HUWE1: variants seen among roughly 807,000 people sequenced by gnomAD.
The protein encoded by HUWE1 is HECT, UBA and WWE domain containing E3 ubiquitin protein ligase 1.
A neutral mutation model predicts 299.4 loss-of-function variants in HUWE1; 18 were observed. That is an observed-to-expected ratio of 0.06 (90% CI 0.04 to 0.09). The LOEUF (loss-of-function observed/expected upper bound fraction) is 0.09. Ranked by LOEUF, HUWE1 falls within the 10% of genes least tolerant of loss-of-function variation. The pLI is 1.00. For missense variants in HUWE1, 1,832 were observed against 3,462.3 expected, an observed-to-expected ratio of 0.53 and a Z score of 11.82; for synonymous variants, 1,317 against 1,286.1, an observed-to-expected ratio of 1.02 and a Z score of -0.51.
rs782629454 is a variant in HUWE1, at chrX:53,554,864, T to G, written c.8263A>C (p.Thr2755Pro). The G allele has an allele frequency of 5.8e-6, 7 of 1,200,193 alleles. No individual in the cohort carries two copies. The South Asian group carries it at 1.3e-4, about 22-fold the overall frequency. ...PTTPSSTDAA[T>P]SESKETLGTL... ...CCAAGGGTCTCCTTGGACTCAGATG[T>G]AGCTGCATCAGTTGAAGATGGGGTT... is the stretch of plus-strand genomic sequence containing the variant. Residue 2755 changes from threonine (T) to proline (P), a missense_variant, in exon 61 of 84, where the codon ACA becomes CCA. Coordinates refer to ENST00000262854, the MANE Select transcript of HUWE1 (RefSeq NM_031407.7).
chrX:53,672,462 T>TC (rs2149544380), intron 3 of HUWE1, among the ~76,000 whole-genome samples: 1 of 110,049 alleles, frequency 9.1e-6, no homozygotes, highest in South Asian at 3.9e-4. Context: ...TTTCACCATG[T>TC]TGGCCAGGCT....
intron 19 of HUWE1, among the ~76,000 whole-genome samples, chrX:53,624,061 C>A: frequency 8.9e-6 from 1 of 112,606 alleles, no homozygotes; most frequent in Non-Finnish European, 1.9e-5. Context: ...AAACTGAATT[C>A]TGACCTTTAT....
In HUWE1 at chrX:53,647,541, G is replaced by A. The variant is rs782306178; in HGVS notation, c.178C>T (p.Arg60Cys). ...ELYHWVDLLD[R>C]FDGILADAGQ... ...GCATCTGCCAGTATTCCATCGAAGCGGTCCAACAGGTCCACCCAGTGATAT... is the reference window on the plus strand; with the variant it reads ...GCATCTGCCAGTATTCCATCGAAGCAGTCCAACAGGTCCACCCAGTGATAT... The change falls in exon 6 of 84, where the codon CGC (arginine) becomes TGC (cysteine). Residue 60 changes from arginine (R) to cysteine (C), a missense_variant. Transcript: ENST00000262854. 23 of 1,202,824 alleles carry A rather than the reference G, an allele frequency of 1.9e-5. No individual in the cohort carries two copies. Among genetic ancestry groups the A allele is most frequent in the South Asian group, 3.5e-5 (2 of 56,676 alleles).
chrX:53,575,391 C>T (rs1228082815), intron 45 of HUWE1, among the ~76,000 whole-genome samples, 170 bp from the exon 46 acceptor site: 2 of 110,905 alleles, frequency 1.8e-5, no homozygotes, highest in Admixed American at 9.6e-5. Context: ...ATTATAAATA[C>T]AGTGACTGGG....
At chrX:53,660,750 G>GT (rs2068957730) in intron 3 of HUWE1, among the ~76,000 whole-genome samples, 1 of 111,575 alleles carries the variant, frequency 9.0e-6, no homozygotes, top group Non-Finnish European at 1.9e-5. Context: ...GACATCTTAG[G>GT]TAAAGGAGGC....
At chrX:53,589,911 T>C in intron 35 of HUWE1, 95 bp from the exon 36 acceptor site, 1 of 929,180 alleles carries the variant, frequency 1.1e-6, no homozygotes, top group Non-Finnish European at 1.5e-6. Flanking sequence ...TACCATATGA[T>C]TACCCTCAAC....
At chrX:53,678,148 A>T (rs1557051802) in intron 3 of HUWE1, among the ~76,000 whole-genome samples, 1 of 112,214 alleles carries the variant, frequency 8.9e-6, no homozygotes, top group African/African-American at 3.2e-5. Flanking sequence ...CTATGCCACC[A>T]ACTGTAATTT....
rs782116794 is a variant in HUWE1, at chrX:53,604,690, C to T, written c.2641G>A (p.Ala881Thr). 1.7e-6 allele frequency: 2 copies of T among 1,211,782 alleles called. No homozygotes were observed. The highest frequency in any genetic ancestry group is 2.2e-6 in the Non-Finnish European group (2 of 895,470). ...LRELACAGNV[A>T]DATLSAQATP... ...GCCTGGGCTGAGAGGGTAGCATCAGCAACATTGCCTGCGCAAGCCAGTTCT... is the reference window on the plus strand; with the variant it reads ...GCCTGGGCTGAGAGGGTAGCATCAGTAACATTGCCTGCGCAAGCCAGTTCT... Residue 881 changes from alanine (A) to threonine (T), a missense_variant, in exon 26 of 84, where the codon GCT (alanine) becomes ACT (threonine). Transcript: ENST00000262854.
intron 2 of HUWE1, 93 bp from the exon 3 acceptor site, chrX:53,680,279 T>C (rs2070059907): frequency 6.9e-6 from 2 of 288,544 alleles, no homozygotes; most frequent in Non-Finnish European, 1.2e-5. Flanking sequence ...TGTTCAAACA[T>C]AACTAGTTAT....
intron 49 of HUWE1, among the ~76,000 whole-genome samples, chrX:53,566,165 G>A (rs868944778): frequency 2.4e-5 from 1 of 42,117 alleles, no homozygotes; most frequent in Non-Finnish European, 4.5e-5. Context: ...ATATATATAT[G>A]CTCACTAGTA....
intron 60 of HUWE1, chrX:53,557,177 G>A (rs1421872103): frequency 7.3e-6 from 4 of 549,127 alleles, no homozygotes; most frequent in Non-Finnish European, 1.3e-5. Context: ...GCCAGTCGGA[G>A]AAGAAGTGTA....
At chrX:53,613,849 G>GA (rs1283424795) in intron 23 of HUWE1, among the ~76,000 whole-genome samples, 1 of 111,896 alleles carries the variant, frequency 8.9e-6, no homozygotes, top group African/African-American at 3.2e-5. Context: ...ACACGTGCCT[G>GA]AAAAAAATCA....
chrX:53,627,554 T>G (rs1156336441), intron 16 of HUWE1, 39 bp from the exon 17 acceptor site: 2 of 746,282 alleles, frequency 2.7e-6, no homozygotes, highest in South Asian at 6.8e-5. Flanking sequence ...ATCAAGTATA[T>G]ATATATATAT....
intron 4 of HUWE1, among the ~76,000 whole-genome samples, chrX:53,650,818 T>C (rs1386154639): frequency 9.0e-6 from 1 of 111,578 alleles, no homozygotes; most frequent in African/African-American, 3.3e-5. Flanking sequence ...AAAATGTCCA[T>C]AACCAGTGAC....
At chrX:53,682,037 T>C (rs1208787997) in intron 2 of HUWE1, among the ~76,000 whole-genome samples, 1 of 111,679 alleles carries the variant, frequency 9.0e-6, no homozygotes, top group African/African-American at 3.3e-5. Context: ...ATAAACGTTA[T>C]AGATCTGGCC....
intron 66 of HUWE1, 21 bp downstream of exon 66, chrX:53,550,645 G>A (rs369422567): frequency 1.8e-5 from 21 of 1,174,763 alleles, no homozygotes; most frequent in Non-Finnish European, 2.4e-5. Flanking sequence ...GATATGGTAA[G>A]GTAAAAATAG....
At chrX:53,601,185 C>CT (rs60443709) in intron 28 of HUWE1, among the ~76,000 whole-genome samples, 460 of 101,401 alleles carry the variant, frequency 4.5e-3, no homozygotes, top group Middle Eastern at 0.01. Context: ...AGCCTGATAC[C>CT]TTTTTTTTTT....
chrX:53,682,851 G>C (rs1327971861), intron 2 of HUWE1, among the ~76,000 whole-genome samples: 1 of 111,436 alleles, frequency 9.0e-6, no homozygotes, highest in Non-Finnish European at 1.9e-5. Context: ...ATCCTCTACA[G>C]CCTTCTGAGG....
chrX:53,683,639 C>T (rs1338358324), intron 2 of HUWE1, among the ~76,000 whole-genome samples: 1 of 111,687 alleles, frequency 9.0e-6, no homozygotes, highest in Non-Finnish European at 1.9e-5. Flanking sequence ...GAAATGGTGT[C>T]GCCTCAACGG....
Sources: allele counts gnomAD v4.1 joint callset (sites outside exome capture counted in the v4.1 genomes callset), GRCh38; gene constraint gnomAD v4.1.1; transcripts MANE v1.5; gene names NCBI Gene and HGNC (gene_info 2026-07-23, HGNC 2026-07-21).